The following SAMD4A variants were observed in gnomAD, a reference collection of about 807,000 sequenced individuals.
The protein encoded by SAMD4A is protein Smaug homolog 1.
Under a neutral mutation model 81.3 loss-of-function variants are expected in SAMD4A, and 33 were observed. The ratio of observed to expected loss-of-function variants is 0.41; its 90% CI spans 0.31 to 0.54. The LOEUF (loss-of-function observed/expected upper bound fraction) is 0.54, where lower values mean the gene tolerates loss of function less well. Ranked by LOEUF, SAMD4A falls within the 20% of genes least tolerant of loss-of-function variation. The pLI, the probability that SAMD4A is intolerant of heterozygous loss-of-function variation, is 0.37. For synonymous variants in SAMD4A, 389 were observed against 382.1 expected, an observed-to-expected ratio of 1.02 and a Z score of -0.21; for missense variants, 854 against 951.1, an observed-to-expected ratio of 0.90 and a Z score of 1.34.
chr14:54,591,873 G>A (rs952453843), intron 2 of SAMD4A, among the ~76,000 whole-genome samples: 2 of 152,162 alleles, frequency 1.3e-5, no homozygotes, highest in African/African-American at 2.4e-5. Context: ...GAGGGGGCCT[G>A]GAGTCTGATG....
intron 2 of SAMD4A, among the ~76,000 whole-genome samples, chr14:54,663,351 T>A (rs2035685216): frequency 6.6e-6 from 1 of 152,170 alleles, no homozygotes; most frequent in Admixed American, 6.5e-5. Flanking sequence ...AGTAAAATGA[T>A]AGACCGCGGT....
At chr14:54,688,030 A>G in intron 2 of SAMD4A, 1 of 985,774 alleles carries the variant, frequency 1.0e-6, no homozygotes, top group Non-Finnish European at 1.2e-6. Flanking sequence ...GGAGAAGGAC[A>G]AAGTGGAGAG....
intron 2 of SAMD4A, among the ~76,000 whole-genome samples, chr14:54,593,153 G>C (rs1479856330): frequency 6.6e-6 from 1 of 152,118 alleles, no homozygotes; most frequent in East Asian, 1.9e-4. Flanking sequence ...TCATTGTTTG[G>C]ATAATATATA....
rs571117167 is a variant in SAMD4A at position 54,784,551 on chromosome 14, G to A, written c.2059G>A (p.Val687Met). The A allele has an allele frequency of 4.0e-5, 64 of 1,614,100 alleles. No individual in the cohort carries two copies. The highest frequency in any genetic ancestry group is 9.3e-5 in the African/African-American group (7 of 75,014). Residue 687 changes from valine (V) to methionine (M), a missense_variant, in exon 12 of 13, where the codon GTG becomes ATG. By Grantham distance (21) the Val-to-Met change is conservative (BLOSUM62 1). Around this residue, in one of 3 missense-constraint regions of SAMD4A, gnomAD observed 428 missense variants for 471.2 expected, o/e 0.91. Coordinates refer to ENST00000554335, the MANE Select transcript of SAMD4A (RefSeq NM_015589.6). Reference sequence around the variant, plus strand: ...ATCGCCTGCAGAATTCCAGCTTCCCGTGACCGAACCTGACATCAACAACAG... The same window carrying A: ...ATCGCCTGCAGAATTCCAGCTTCCCATGACCGAACCTGACATCAACAACAG... ...MFQQPEFQLP[V>M]TEPDINNRLE...
chr14:54,660,120 C>G (rs1356086012), intron 2 of SAMD4A, among the ~76,000 whole-genome samples: 2 of 152,030 alleles, frequency 1.3e-5, no homozygotes, highest in East Asian at 3.9e-4. Context: ...TCATCATTCT[C>G]TTGTTTCAGG....
At chr14:54,702,645 C>T (rs2036749082) in intron 3 of SAMD4A, 65 bp downstream of exon 3, 1 of 1,551,434 alleles carries the variant, frequency 6.4e-7, no homozygotes, top group East Asian at 2.2e-5. Context: ...GTGGCATGTC[C>T]TGCTGACAGT....
chr14:54,660,160 A>G (rs1323267561), intron 2 of SAMD4A, among the ~76,000 whole-genome samples: 1 of 152,070 alleles, frequency 6.6e-6, no homozygotes, highest in Non-Finnish European at 1.5e-5. Context: ...CCCAGACATC[A>G]ATGATACCTA....
intron 2 of SAMD4A, among the ~76,000 whole-genome samples, chr14:54,665,219 C>T (rs2035732201): frequency 6.6e-6 from 1 of 152,116 alleles, no homozygotes; most frequent in South Asian, 2.1e-4. Flanking sequence ...TATGAATGTG[C>T]TATAATTAAG....
At chr14:54,663,427 T>A (rs190944498) in intron 2 of SAMD4A, among the ~76,000 whole-genome samples, 4 of 152,240 alleles carry the variant, frequency 2.6e-5, no homozygotes, top group South Asian at 2.1e-4. Context: ...GGGATTAAAG[T>A]TTTTTAGTCA....
At chr14:54,763,645 A>G (rs1435391755) in intron 7 of SAMD4A, among the ~76,000 whole-genome samples, 3 of 152,188 alleles carry the variant, frequency 2.0e-5, no homozygotes, top group African/African-American at 7.2e-5. Flanking sequence ...CCAGGTTTCA[A>G]GCTTGGTCTC....
chr14:54,635,296 G>T (rs1347976394), intron 2 of SAMD4A, among the ~76,000 whole-genome samples: 1 of 150,856 alleles, frequency 6.6e-6, no homozygotes, highest in African/African-American at 2.5e-5. Flanking sequence ...ATGGTGGCAG[G>T]CACCTGTAAT....
intron 2 of SAMD4A, among the ~76,000 whole-genome samples, chr14:54,673,483 G>GGCA (rs2035928252): frequency 6.6e-6 from 1 of 152,170 alleles, no homozygotes; most frequent in African/African-American, 2.4e-5. Context: ...GTTTTGTGAC[G>GGCA]GCAGCGTCAG....
At chr14:54,643,195 A>G (rs1439578371) in intron 2 of SAMD4A, among the ~76,000 whole-genome samples, 1 of 152,244 alleles carries the variant, frequency 6.6e-6, no homozygotes, top group Non-Finnish European at 1.5e-5. Context: ...ACTTCTCTTT[A>G]AAACATCTAG....
At chr14:54,569,208 T>C (rs773837334) in intron 2 of SAMD4A, among the ~76,000 whole-genome samples, 1 of 152,162 alleles carries the variant, frequency 6.6e-6, no homozygotes, top group Non-Finnish European at 1.5e-5. Context: ...GGGCTGCCAT[T>C]TGATGACAAG....
At chr14:54,624,596 A>G (rs2034701090) in intron 2 of SAMD4A, among the ~76,000 whole-genome samples, 1 of 152,386 alleles carries the variant, frequency 6.6e-6, no homozygotes, top group Admixed American at 6.5e-5. Flanking sequence ...TTGAGATTCA[A>G]AAGTAAATGC....
rs2038806295 is a variant in SAMD4A, at chr14:54,775,057, C to T, written c.1839C>T (p.Leu613=). The part of the protein sequence containing the change: ...SRNVPSARLG[L]LGTSGFVSSN... ...ACGTCCCTTCCGCCCGCCTGGGCCT[C>T]TTGGGCACCAGTGGATTCGTCAGCT... Residue 613 remains leucine (L), a synonymous_variant, in exon 10 of 13, where the codon CTC becomes CTT. Transcript: ENST00000554335. 3 of 1,614,218 alleles carry T rather than the reference C, an allele frequency of 1.9e-6. No individual in the cohort carries two copies. The highest frequency in any genetic ancestry group is 2.2e-5 in the South Asian group (2 of 91,086).
chr14:54,785,542 G>C (rs1414567044), intron 12 of SAMD4A, among the ~76,000 whole-genome samples: 2 of 152,060 alleles, frequency 1.3e-5, no homozygotes. Context: ...CTTGCTCTTA[G>C]CCAAAAGGCC....
At chr14:54,785,233 C>A (rs559306405) in intron 12 of SAMD4A, among the ~76,000 whole-genome samples, 1 of 152,364 alleles carries the variant, frequency 6.6e-6, no homozygotes, top group South Asian at 2.1e-4. Context: ...ACTGCCCAAG[C>A]CCAGAATGGG....
chr14:54,583,102 C>T (rs2033517562), intron 2 of SAMD4A, among the ~76,000 whole-genome samples: 1 of 151,962 alleles, frequency 6.6e-6, no homozygotes, highest in Non-Finnish European at 1.5e-5. Context: ...TGCTACCATG[C>T]CTGGCTAATT....
Sources: gnomAD v4.1 joint callset for allele counts (sites outside exome capture counted in the v4.1 genomes callset) on GRCh38, gnomAD v4.1.1 for gene constraint, gnomAD v4.1.1 regional missense constraint, MANE v1.5 for transcripts, NCBI Gene and HGNC (gene_info 2026-07-23, HGNC 2026-07-21) for gene names.